Variants in CDH13 observed in about 807,000 individuals in gnomAD.
CDH13 encodes cadherin 13.
A neutral mutation model predicts 63.8 loss-of-function variants in CDH13; 24 were observed. The observed-to-expected ratio is 0.38, with a 90% confidence interval of 0.27 to 0.53. The LOEUF is 0.53. Ranked by LOEUF, CDH13 falls within the 20% of genes least tolerant of loss-of-function variation. The pLI is 0.85. For synonymous variants in CDH13, 503 were observed against 355.3 expected (o/e 1.42, Z -4.67); for missense variants, 1,049 against 903.1 (o/e 1.16, Z -2.07).
intron 4 of CDH13, chr16:83,171,521 G>C (rs564893603): frequency 6.5e-7 from 1 of 1,533,564 alleles, no homozygotes; most frequent in African/African-American, 1.4e-5. Flanking sequence ...TTGTTTTTCA[G>C]ATGAAGATTT....
chr16:83,675,416 C>G (rs1323748814), intron 9 of CDH13, among the ~76,000 whole-genome samples: 1 of 152,214 alleles, frequency 6.6e-6, no homozygotes, highest in Non-Finnish European at 1.5e-5. Context: ...GCTCCCCTCC[C>G]TCTGTGGCTT....
At chr16:82,808,058 T>C (rs572610187) in intron 1 of CDH13, among the ~76,000 whole-genome samples, 35 of 151,852 alleles carry the variant, frequency 2.3e-4, no homozygotes, top group Non-Finnish European at 2.9e-5. Flanking sequence ...GAGGAGAGAG[T>C]GTAGTCAGAA....
chr16:83,289,401 C>G (rs377724961), intron 5 of CDH13, among the ~76,000 whole-genome samples: 153 of 152,244 alleles, frequency 1.0e-3, no homozygotes, highest in African/African-American at 3.5e-3. Context: ...ATCTTGGATG[C>G]TTTATAAAAA....
At chr16:82,872,214 G>GT (rs1214161619) in intron 2 of CDH13, among the ~76,000 whole-genome samples, 2 of 152,214 alleles carry the variant, frequency 1.3e-5, no homozygotes, top group Non-Finnish European at 2.9e-5. Flanking sequence ...AAATGGAAAT[G>GT]TTTTTTAGGT....
chr16:82,858,643 A>C (rs1466521947), intron 2 of CDH13, 170 bp downstream of exon 2: 4 of 666,554 alleles, frequency 6.0e-6, no homozygotes, highest in African/African-American at 1.8e-5. Context: ...GGCCTGGCCA[A>C]CTTAGAGGTT....
In CDH13 at chr16:83,519,279, G is replaced by A. The variant is rs555826770; in HGVS notation, c.960+32624G>A. Among the ~76,000 whole-genome samples, 49 of 152,304 alleles carry A rather than the reference G, an allele frequency of 3.2e-4. No homozygotes were observed. The Middle Eastern group carries it at 0.01, about 32-fold the overall frequency. The stretch of plus-strand genomic sequence containing the variant: ...TATGATCAGGCCTGTTTCCGCCCTA[G>A]CATTGGAGTCCAGTGATATCCAAGG... On this transcript the variant is annotated intron_variant, in intron 7 of 13. Coordinates refer to ENST00000567109, the MANE Select transcript of CDH13 (RefSeq NM_001257.5).
At chr16:83,603,732 C>A (rs1198711866) in intron 8 of CDH13, among the ~76,000 whole-genome samples, 1 of 152,126 alleles carries the variant, frequency 6.6e-6, no homozygotes, top group Non-Finnish European at 1.5e-5. Flanking sequence ...TCCCCAATGG[C>A]CTCTGTATTA....
chr16:83,478,159 C>CA (rs1215717989), intron 6 of CDH13, among the ~76,000 whole-genome samples: 3,213 of 134,120 alleles, frequency 0.024, 97 homozygotes, highest in African/African-American at 0.079. Context: ...GACTCCGTCT[C>CA]AAAAAAAAAA....
intron 4 of CDH13, among the ~76,000 whole-genome samples, chr16:83,164,325 C>A (rs1367683737): frequency 6.6e-6 from 1 of 151,918 alleles, no homozygotes; most frequent in African/African-American, 2.4e-5. Flanking sequence ...TACCACACAT[C>A]ACACACCACA....
At chr16:83,071,296 T>C (rs942845379) in intron 3 of CDH13, among the ~76,000 whole-genome samples, 1 of 152,150 alleles carries the variant, frequency 6.6e-6, no homozygotes, top group Non-Finnish European at 1.5e-5. Flanking sequence ...AATCCTCACA[T>C]AACCCTGCAA....
At position 83,486,482 on chromosome 16, in the gene CDH13, A is replaced by G. The variant is rs762039662; in HGVS notation, c.787A>G (p.Thr263Ala). 30 of 1,612,928 alleles carry G rather than the reference A, an allele frequency of 1.9e-5. No homozygotes were observed. In the East Asian group the frequency reaches 6.5e-4, roughly 35 times the overall value. Residue 263 changes from threonine to alanine, a missense_variant, in exon 7 of 14, where the codon ACA (threonine) becomes GCA (alanine). Transcript: ENST00000567109. The part of the protein sequence containing the change: ...HVMEGSPTGT[T>A]VMRMTAFDAD... ...TTTCTGTCTTGCCCCGGTAGGCACC[A>G]CAGTGATGCGGATGACAGCCTTTGA...
chr16:83,465,315 T>C (rs1205543228), intron 6 of CDH13, among the ~76,000 whole-genome samples: 1 of 152,156 alleles, frequency 6.6e-6, no homozygotes, highest in African/African-American at 2.4e-5. Flanking sequence ...TGAGTGAGCT[T>C]CTAGAATTAC....
At chr16:83,176,678 G>T (rs1029009526) in intron 4 of CDH13, among the ~76,000 whole-genome samples, 6 of 152,030 alleles carry the variant, frequency 3.9e-5, no homozygotes, top group African/African-American at 1.5e-4. Context: ...ATACATTTAT[G>T]GAAGGAGAAT....
At position 83,258,485 on chromosome 16, in the gene CDH13, G is replaced by A. The variant is rs150591162; in HGVS notation, c.636+40988G>A. Among the ~76,000 whole-genome samples the A allele has an allele frequency of 9.5e-4, 144 of 152,298 alleles. 1 individual carries two copies. The highest frequency in any genetic ancestry group is 3.3e-3 in the African/African-American group (139 of 41,574). On this transcript the variant is annotated intron_variant, in intron 5 of 13. Coordinates refer to ENST00000567109, the MANE Select transcript of CDH13 (RefSeq NM_001257.5). The stretch of plus-strand genomic sequence containing the variant: ...GTAAAACCCGAGTGTTGCAAATACT[G>A]TTACTGATGATGATCAAGAAGAGAG...
intron 10 of CDH13, among the ~76,000 whole-genome samples, chr16:83,681,155 C>T (rs1018682576): frequency 6.6e-6 from 1 of 152,034 alleles, no homozygotes; most frequent in South Asian, 2.1e-4. Flanking sequence ...GACCCCAGCA[C>T]CCAGCTGTGA....
At chr16:83,042,845 G>A (rs943715446) in intron 3 of CDH13, among the ~76,000 whole-genome samples, 8 of 152,222 alleles carry the variant, frequency 5.3e-5, no homozygotes, top group Non-Finnish European at 1.2e-4. Flanking sequence ...AATCCCAGTG[G>A]AGAATGAATC....
chr16:83,782,958 C>G (rs549696330), intron 12 of CDH13, among the ~76,000 whole-genome samples: 1 of 152,132 alleles, frequency 6.6e-6, no homozygotes, highest in South Asian at 2.1e-4. Context: ...CTCCTTGAAA[C>G]TGATTATAAT....
At chr16:83,420,409 C>A (rs896984633) in intron 6 of CDH13, among the ~76,000 whole-genome samples, 1 of 152,102 alleles carries the variant, frequency 6.6e-6, no homozygotes, top group African/African-American at 2.4e-5. Context: ...TGTTCAGTAC[C>A]AAGGACAGCT....
chr16:82,692,573 T>C (rs61584422), intron 1 of CDH13, among the ~76,000 whole-genome samples: 8,226 of 152,174 alleles, frequency 0.054, 460 homozygotes, highest in African/African-American at 0.14. Flanking sequence ...GTTCCTTCCA[T>C]GACATGTGAG....
Sources: gnomAD v4.1 joint callset for allele counts (sites outside exome capture counted in the v4.1 genomes callset) on GRCh38, gnomAD v4.1.1 for gene constraint, MANE v1.5 for transcripts, NCBI Gene and HGNC (gene_info 2026-07-23, HGNC 2026-07-21) for gene names.